Variants in CACNB2 observed in about 807,000 individuals in gnomAD.
CACNB2 encodes voltage-dependent L-type calcium channel subunit beta-2.
A neutral mutation model predicts 73.3 loss-of-function variants in CACNB2; 42 were observed. That is an observed-to-expected ratio of 0.57 (90% confidence interval 0.45 to 0.74). The LOEUF (loss-of-function observed/expected upper bound fraction) is 0.74, where lower values mean the gene tolerates loss of function less well. Among genes scored for constraint, CACNB2 ranks in the 30% least tolerant of loss-of-function variants. The pLI is 0.00. For synonymous variants in CACNB2, 348 were observed against 310.3 expected, an observed-to-expected ratio of 1.12 and a Z score of -1.28; for missense variants, 940 against 853.0, an observed-to-expected ratio of 1.10 and a Z score of -1.27.
chr10:18,277,048 T>C (rs1588915636), intron 2 of CACNB2, among the ~76,000 whole-genome samples: 1 of 151,852 alleles, frequency 6.6e-6, no homozygotes, highest in African/African-American at 2.4e-5. Flanking sequence ...GCCTGGGAGG[T>C]CGAGGCTGCA....
chr10:18,320,236 T>C (rs1000168640), intron 2 of CACNB2, among the ~76,000 whole-genome samples: 7 of 152,220 alleles, frequency 4.6e-5, no homozygotes, highest in African/African-American at 1.7e-4. Context: ...CCAATTTTTC[T>C]ACCAGATTGG....
chr10:18,455,807 T>G (rs561662582), intron 3 of CACNB2, among the ~76,000 whole-genome samples: 1 of 152,190 alleles, frequency 6.6e-6, no homozygotes, highest in African/African-American at 2.4e-5. Context: ...GCAAAAGTGG[T>G]GGGCTTCTAA....
intron 2 of CACNB2, among the ~76,000 whole-genome samples, chr10:18,311,050 T>C (rs1589009970): frequency 6.6e-6 from 1 of 152,298 alleles, no homozygotes; most frequent in East Asian, 1.9e-4. Flanking sequence ...CTTTTTGTTC[T>C]TGTTTTATAA....
Position 18,534,098 on chromosome 10 carries a change from A to T in CACNB2, c.1077A>T (p.Glu359Asp). The part of the protein sequence containing the change: ...SSLAEVQSEI[E>D]RIFELARTLQ... ...CAGCGGAAGTTCAGAGTGAAATCGA[A>T]AGGATTTTTGAACTTGCAAGAACAT... is the stretch of plus-strand genomic sequence containing the variant. Residue 359 changes from glutamate (E) to aspartate (D), a missense_variant, in exon 11 of 14, where the codon GAA becomes GAT. Physicochemically the swap from Glu to Asp is conservative, Grantham distance 45. Transcript: ENST00000324631. 6.2e-7 allele frequency: 1 copy of T among 1,614,062 alleles called. No individual in the cohort carries two copies. The highest frequency in any genetic ancestry group is 8.5e-7 in the Non-Finnish European group (1 of 1,179,954).
chr10:18,395,035 C>T (rs1186396044), intron 2 of CACNB2, among the ~76,000 whole-genome samples: 1 of 152,024 alleles, frequency 6.6e-6, no homozygotes, highest in Non-Finnish European at 1.5e-5. Context: ...GGGAGGTAAT[C>T]CCATGTTGAT....
At chr10:18,401,735 A>G (rs1340436195) in intron 2 of CACNB2, among the ~76,000 whole-genome samples, 189 bp from the exon 3 acceptor site, 1 of 152,226 alleles carries the variant, frequency 6.6e-6, no homozygotes, top group Non-Finnish European at 1.5e-5. Flanking sequence ...CAGTAGACAC[A>G]ACTATTCTAT....
rs906804058 is a variant in CACNB2 at position 18,534,223 on chromosome 10, C to T, written c.1202C>T (p.Pro401Leu). ...ATAGTATATGTAAAGATTTCTTCTC[C>T]TAAGGTAAGTAGGACTGCTACTGTT... ...PIIVYVKISSPKVLQRLIKSR... is the reference protein window; with the variant it reads ...PIIVYVKISSLKVLQRLIKSR... Residue 401 changes from proline (P) to leucine (L), a missense_variant, in exon 11 of 14, where the codon CCT becomes CTT. By Grantham distance (98) the Pro-to-Leu change is moderately conservative. Transcript: ENST00000324631. 2.5e-6 allele frequency: 4 copies of T among 1,612,262 alleles called. No homozygotes were observed. Among genetic ancestry groups the T allele is most frequent in the Admixed American group, 1.7e-5 (1 of 60,004 alleles).
At chr10:18,486,132 T>C (rs1353381757) in intron 3 of CACNB2, among the ~76,000 whole-genome samples, 1 of 152,208 alleles carries the variant, frequency 6.6e-6, no homozygotes, top group Non-Finnish European at 1.5e-5. Context: ...CATAAAAATC[T>C]AAGTAACTAT....
chr10:18,448,428 T>C (rs1262112274), intron 3 of CACNB2, among the ~76,000 whole-genome samples: 1 of 145,276 alleles, frequency 6.9e-6, no homozygotes, highest in Non-Finnish European at 1.5e-5. Flanking sequence ...TGAGCTGAGA[T>C]TGTGTCATTG....
chr10:18,219,190 C>G (rs2035631115), intron 2 of CACNB2, among the ~76,000 whole-genome samples: 1 of 152,118 alleles, frequency 6.6e-6, no homozygotes, highest in South Asian at 2.1e-4. Flanking sequence ...ACTTCTACCT[C>G]CAGAATTCGG....
chr10:18,351,023 C>T (rs960608931), intron 2 of CACNB2, among the ~76,000 whole-genome samples: 1 of 152,032 alleles, frequency 6.6e-6, no homozygotes, highest in Non-Finnish European at 1.5e-5. Flanking sequence ...AAATGAGCTG[C>T]TTTTTTCTTA....
chr10:18,483,062 A>G (rs1321201043), intron 3 of CACNB2, among the ~76,000 whole-genome samples: 6 of 152,144 alleles, frequency 3.9e-5, no homozygotes, highest in African/African-American at 9.7e-5. Context: ...AAGTCTCTCA[A>G]CACTGAAGCA....
chr10:18,446,694 G>T (rs1233177004), intron 3 of CACNB2, among the ~76,000 whole-genome samples: 1 of 152,106 alleles, frequency 6.6e-6, no homozygotes, highest in Non-Finnish European at 1.5e-5. Flanking sequence ...CCTATAATAT[G>T]CTAACATGCG....
intron 2 of CACNB2, among the ~76,000 whole-genome samples, chr10:18,298,139 T>C (rs11013416): frequency 0.21 from 31,194 of 152,002 alleles, 3,214 homozygotes; most frequent in Middle Eastern, 0.28. Flanking sequence ...AAGGCTGAGA[T>C]TGGTGGATCA....
At chr10:18,407,756 A>G (rs973398887) in intron 3 of CACNB2, among the ~76,000 whole-genome samples, 9 of 152,006 alleles carry the variant, frequency 5.9e-5, no homozygotes, top group Admixed American at 3.9e-4. Context: ...CTTCTAACCC[A>G]TCTGCTCAAA....
At chr10:18,242,418 G>A (rs938705707) in intron 2 of CACNB2, among the ~76,000 whole-genome samples, 6 of 152,076 alleles carry the variant, frequency 3.9e-5, no homozygotes, top group African/African-American at 1.2e-4. Context: ...TTATTAGAAC[G>A]ATGAAAAGGT....
At chr10:18,224,700 G>A (rs1316291124) in intron 2 of CACNB2, among the ~76,000 whole-genome samples, 1 of 152,154 alleles carries the variant, frequency 6.6e-6, no homozygotes, top group African/African-American at 2.4e-5. Context: ...CCACAACCAT[G>A]ACCAGCCCAG....
chr10:18,141,359 T>A, intron 1 of CACNB2: 1 of 775,224 alleles, frequency 1.3e-6, no homozygotes, highest in Non-Finnish European at 2.2e-6. Flanking sequence ...AATATGGGGG[T>A]GCCCTGCCGG....
intron 2 of CACNB2, among the ~76,000 whole-genome samples, chr10:18,184,997 G>A (rs949845489): frequency 2.6e-5 from 4 of 151,870 alleles, no homozygotes; most frequent in South Asian, 2.1e-4. Context: ...GCACCACCAC[G>A]CCTGGCCAAT....
Sources: allele counts gnomAD v4.1 joint callset (sites outside exome capture counted in the v4.1 genomes callset), GRCh38; gene constraint gnomAD v4.1.1; transcripts MANE v1.5; gene names NCBI Gene and HGNC (gene_info 2026-07-23, HGNC 2026-07-21).